Variants in ATP9B observed in about 807,000 individuals in gnomAD.
ATP9B encodes the protein probable phospholipid-transporting ATPase IIB.
A neutral mutation model predicts 146.1 loss-of-function variants in ATP9B; 110 were observed. The ratio of observed to expected loss-of-function variants is 0.75; its 90% CI spans 0.65 to 0.88. The LOEUF is 0.88. Among genes scored for constraint, ATP9B ranks in the 40% least tolerant of loss-of-function variants. The probability of loss-of-function intolerance (pLI) is 0.00; values close to 1 mark genes in which losing one functional copy is unlikely to be tolerated. For synonymous variants in ATP9B, 604 were observed against 569.7 expected (o/e 1.06, Z -0.86); for missense variants, 1,499 against 1,496.4 (o/e 1.00, Z -0.03).
chr18:79,196,219 C>T (rs967192965), intron 9 of ATP9B, among the ~76,000 whole-genome samples: 5 of 152,066 alleles, frequency 3.3e-5, no homozygotes, highest in Non-Finnish European at 5.9e-5. Flanking sequence ...CTGCAAGTGC[C>T]AATTCTGTGG....
chr18:79,228,399 C>T (rs1398725198), intron 11 of ATP9B, among the ~76,000 whole-genome samples: 3 of 152,228 alleles, frequency 2.0e-5, no homozygotes. Flanking sequence ...CCAAACTCCT[C>T]TTACTGTGAA....
chr18:79,201,854 C>G (rs1386520260), intron 9 of ATP9B, among the ~76,000 whole-genome samples: 1 of 152,110 alleles, frequency 6.6e-6, no homozygotes, highest in Non-Finnish European at 1.5e-5. Flanking sequence ...TCACTGTGCC[C>G]AGCCCCTGAT....
In ATP9B at chr18:79,258,981, C is replaced by T. The variant is rs146036350; in HGVS notation, c.1268+5440C>T. ...TACATTCTAGTATTTGCTAAATATG[C>T]TTTTGGATTGAATAAAGGGTAAGAC... On this transcript the variant is annotated intron_variant, in intron 12 of 29. Transcript: ENST00000426216. Among the ~76,000 whole-genome samples the T allele has an allele frequency of 2.6e-5, 4 of 152,248 alleles. No homozygotes were observed. The East Asian group carries it at 5.8e-4, about 22-fold the overall frequency.
intron 15 of ATP9B, among the ~76,000 whole-genome samples, chr18:79,322,870 C>A (rs1297573392): frequency 1.3e-5 from 2 of 152,226 alleles, no homozygotes; most frequent in African/African-American, 4.8e-5. Flanking sequence ...TATGGTACTT[C>A]AGACAGAGTC....
At chr18:79,157,245 CACT>C (rs2094800324) in intron 7 of ATP9B, among the ~76,000 whole-genome samples, 2 of 144,430 alleles carry the variant, frequency 1.4e-5, no homozygotes, top group Admixed American at 1.4e-4. Flanking sequence ...CACACACACA[CACT>C]AGCCAGTCAT....
chr18:79,299,945 G>A (rs988693754), intron 13 of ATP9B: 4 of 152,294 alleles, frequency 2.6e-5, no homozygotes, highest in African/African-American at 9.6e-5. Flanking sequence ...CCGTAGGCCG[G>A]GCTGTGCAGA....
In ATP9B at chr18:79,069,439, T is replaced by G. The variant is rs889132529; in HGVS notation, c.29T>G (p.Val10Gly). The G allele has an allele frequency of 1.3e-6, 2 of 1,521,508 alleles. No individual in the cohort carries two copies. Among genetic ancestry groups the G allele is most frequent in the East Asian group, 2.8e-5 (1 of 36,110 alleles). The allele number at this position is 1,521,508 out of a possible 1,614,324, so 94.3% of individuals were successfully genotyped here. A position where few individuals can be genotyped will look rare whatever the true frequency, so the allele number is the denominator to read the frequency against. Residue 10 changes from valine (V) to glycine (G), a missense_variant, in exon 1 of 30, where the codon GTG becomes GGG. Coordinates refer to ENST00000426216, the MANE Select transcript of ATP9B (RefSeq NM_198531.5). ...GCGGACCAGATCCCGCTTTACCCGG[T>G]GCGTAGCGCAGCGGCGGCCGCAGCC... MADQIPLYP[V>G]RSAAAAAANR...
chr18:79,277,704 CT>C (rs2145753704), intron 13 of ATP9B, among the ~76,000 whole-genome samples: 1 of 152,132 alleles, frequency 6.6e-6, no homozygotes, highest in Admixed American at 6.5e-5. Flanking sequence ...TAATTTTCTT[CT>C]TTTTTTCATC....
chr18:79,083,627 C>T (rs2073496323), intron 1 of ATP9B, among the ~76,000 whole-genome samples: 1 of 152,094 alleles, frequency 6.6e-6, no homozygotes, highest in Non-Finnish European at 1.5e-5. Flanking sequence ...CCTCACAGCA[C>T]AGTCCCTCAG....
chr18:79,177,009 G>T (rs1182282765), intron 8 of ATP9B, 102 bp downstream of exon 8: 1 of 966,070 alleles, frequency 1.0e-6, no homozygotes, highest in African/African-American at 1.7e-5. Flanking sequence ...AATGCATTGA[G>T]AATTTGTTTT....
chr18:79,359,263 T>C, intron 25 of ATP9B, 91 bp from the exon 26 acceptor site: 1 of 960,436 alleles, frequency 1.0e-6, no homozygotes, highest in Non-Finnish European at 1.6e-6. Flanking sequence ...TTTTGGTGTT[T>C]TTGAAGCTGT....
rs376192476 is a variant in ATP9B, at chr18:79,211,109, TA to T, written c.1031-2852del. On this transcript the variant is annotated intron_variant, in intron 10 of 29. Coordinates refer to ENST00000426216, the MANE Select transcript of ATP9B (RefSeq NM_198531.5). ...GCAACTAAAAGTATTGCAATAGGCCTATCATTTGAAATATTGAGTGGACTAC... is the reference window on the plus strand; with the variant it reads ...GCAACTAAAAGTATTGCAATAGGCCTTCATTTGAAATATTGAGTGGACTAC... 2.6e-4 allele frequency among the ~76,000 whole-genome samples: 40 copies of T among 152,358 alleles called. No individual in the cohort carries two copies. The East Asian group carries it at 7.7e-3, about 29-fold the overall frequency.
intron 2 of ATP9B, among the ~76,000 whole-genome samples, chr18:79,104,987 T>C (rs976675929): frequency 5.3e-5 from 8 of 152,150 alleles, no homozygotes; most frequent in African/African-American, 1.9e-4. Context: ...ATTGTGATCA[T>C]GTGGAAAAAG....
At chr18:79,328,359 A>G (rs1158050993) in intron 15 of ATP9B, among the ~76,000 whole-genome samples, 1 of 152,172 alleles carries the variant, frequency 6.6e-6, no homozygotes, top group East Asian at 1.9e-4. Context: ...CAAATTATTA[A>G]CTGTAAAAAT....
At chr18:79,327,579 T>C (rs62096806) in intron 15 of ATP9B, among the ~76,000 whole-genome samples, 28,750 of 68,552 alleles carry the variant, frequency 0.42, 3,706 homozygotes, top group East Asian at 0.54. Flanking sequence ...GTTAGCGTGC[T>C]CTCCGTGGTT....
At chr18:79,196,059 C>G (rs1360235211) in intron 9 of ATP9B, among the ~76,000 whole-genome samples, 3 of 152,168 alleles carry the variant, frequency 2.0e-5, no homozygotes, top group Admixed American at 6.5e-5. Flanking sequence ...TTTGATCTCC[C>G]TGGGAAAATG....
intron 12 of ATP9B, among the ~76,000 whole-genome samples, chr18:79,266,186 T>C (rs1418309278): frequency 6.6e-6 from 1 of 152,158 alleles, no homozygotes; most frequent in Non-Finnish European, 1.5e-5. Context: ...ATAAGTCTTC[T>C]CAAATTTTGT....
intron 9 of ATP9B, among the ~76,000 whole-genome samples, chr18:79,206,330 T>A (rs2095533390): frequency 6.6e-6 from 1 of 152,216 alleles, no homozygotes; most frequent in Non-Finnish European, 1.5e-5. Flanking sequence ...AAGCATTTTC[T>A]CTGTCGTGAA....
intron 17 of ATP9B, among the ~76,000 whole-genome samples, chr18:79,332,257 A>C (rs147853016): frequency 1.3e-5 from 2 of 151,222 alleles, no homozygotes; most frequent in Non-Finnish European, 3.0e-5. Context: ...GTGAAACCCC[A>C]TCTCTACTAA....
Sources: gnomAD v4.1 joint callset for allele counts (sites outside exome capture counted in the v4.1 genomes callset) on GRCh38, gnomAD v4.1.1 for gene constraint, MANE v1.5 for transcripts, NCBI Gene and HGNC (gene_info 2026-07-23, HGNC 2026-07-21) for gene names.